ZC3H13: variants seen among roughly 807,000 people sequenced by gnomAD.
ZC3H13 encodes the protein zinc finger CCCH-type containing 13, also known as zinc finger CCCH domain-containing protein 13.
In ZC3H13, 64 loss-of-function variants were observed where a neutral mutation model predicts 204.1. The observed-to-expected ratio is 0.31, with a 90% CI of 0.26 to 0.39. ZC3H13 has a LOEUF of 0.39. ZC3H13 is among the 10% of genes least tolerant of loss of function. The pLI, the probability that ZC3H13 is intolerant of heterozygous loss-of-function variation, is 1.00. For synonymous variants in ZC3H13, 667 were observed against 693.7 expected, an observed-to-expected ratio of 0.96 and a Z score of 0.60; for missense variants, 1,833 against 2,082.7, an observed-to-expected ratio of 0.88 and a Z score of 2.33.
At chr13:45,973,442 A>C (rs1045890158) in intron 12 of ZC3H13, among the ~76,000 whole-genome samples, 3 of 152,232 alleles carry the variant, frequency 2.0e-5, no homozygotes, top group African/African-American at 7.2e-5. Flanking sequence ...ATGAAAAACC[A>C]GAAAAACTTT....
At position 46,003,390 on chromosome 13, in the gene ZC3H13, T is replaced by G; in HGVS notation, c.747-54A>C. 2.0e-6 allele frequency: 3 copies of G among 1,527,078 alleles called. No homozygotes were observed. The South Asian group carries it at 3.7e-5, about 19-fold the overall frequency. The allele number at this position is 1,527,078 out of a possible 1,614,324, so 94.6% of individuals were successfully genotyped here. On this transcript the variant is annotated intron_variant, in intron 7 of 18. Coordinates refer to ENST00000679008, the MANE Select transcript of ZC3H13 (RefSeq NM_001330564.2). ...GGTTCAAATATGCCAAAAGGATATT[T>G]TTTAAAGCCTTCTTAAAAACAGCAG...
At chr13:46,005,715 T>C (rs187154501) in intron 7 of ZC3H13, among the ~76,000 whole-genome samples, 2 of 152,280 alleles carry the variant, frequency 1.3e-5, no homozygotes, top group Non-Finnish European at 2.9e-5. Context: ...TCTCAAACTC[T>C]TGGGCTCAAG....
intron 17 of ZC3H13, chr13:45,963,559 A>G: frequency 8.7e-7 from 1 of 1,151,170 alleles, no homozygotes. Context: ...AGTAGCTGTG[A>G]CTACAGACAT....
At position 46,010,363 on chromosome 13, in the gene ZC3H13, A is replaced by C. The variant is rs144357477; in HGVS notation, c.731T>G (p.Leu244Arg). 1.7e-5 allele frequency: 28 copies of C among 1,612,104 alleles called. No homozygotes were observed. The highest frequency in any genetic ancestry group is 2.2e-5 in the Non-Finnish European group (26 of 1,178,598). The stretch of plus-strand genomic sequence containing the variant: ...CCCTACTGACCTCTGCTGGTCCAAC[A>C]GGGGAGAAGATACTGCAGATGTCTT... ...DRKTSAVSSPLLDQQRNSKTN... is the reference protein window; with the variant it reads ...DRKTSAVSSPRLDQQRNSKTN... Residue 244 changes from leucine to arginine, a missense_variant, in exon 7 of 19, where the codon CTG (leucine) becomes CGG (arginine). Transcript: ENST00000679008.
chr13:46,049,644 A>G (rs1325223021), intron 1 of ZC3H13, among the ~76,000 whole-genome samples: 2 of 152,210 alleles, frequency 1.3e-5, no homozygotes, highest in Non-Finnish European at 2.9e-5. Context: ...AATGTTACCA[A>G]CTAATGTGAC....
chr13:46,003,587 G>A (rs1057225509), intron 7 of ZC3H13, among the ~76,000 whole-genome samples: 2 of 152,164 alleles, frequency 1.3e-5, no homozygotes, highest in African/African-American at 4.8e-5. Flanking sequence ...AAAGATAGAG[G>A]TGAAATAGGA....
At position 45,975,792 on chromosome 13, in the gene ZC3H13, C is replaced by T. The variant is rs983985769; in HGVS notation, c.1959G>A (p.Glu653=). 6.2e-7 allele frequency: 1 copy of T among 1,613,640 alleles called. No homozygotes were observed. The highest frequency in any genetic ancestry group is 1.3e-5 in the African/African-American group (1 of 74,876). The change falls in exon 12 of 19, where the codon GAG becomes GAA. Residue 653 remains glutamate, a synonymous_variant. Coordinates refer to ENST00000679008, the MANE Select transcript of ZC3H13 (RefSeq NM_001330564.2). Reference sequence around the variant, plus strand: ...CCTCTCTTCTTTCATCACGCTCAAGCTCGTCATTCCTTCCCTGATGTCGAA... The same window carrying T: ...CCTCTCTTCTTTCATCACGCTCAAGTTCGTCATTCCTTCCCTGATGTCGAA... The part of the protein sequence containing the change: ...SPIRHQGRND[E]LERDERREER...
intron 5 of ZC3H13, among the ~76,000 whole-genome samples, chr13:46,020,222 A>C (rs923417643): frequency 6.6e-6 from 1 of 152,150 alleles, no homozygotes. Context: ...TTCTAGAGGG[A>C]AAACTAGGAA....
In ZC3H13 at chr13:45,975,686, G is replaced by A. The variant is rs1007716888; in HGVS notation, c.2065C>T (p.Arg689Trp). 3.7e-6 allele frequency: 6 copies of A among 1,607,252 alleles called. No individual in the cohort carries two copies. The highest frequency in any genetic ancestry group is 5.1e-6 in the Non-Finnish European group (6 of 1,177,528). ...RDRERERDRERERERERERDR... is the reference protein window; with the variant it reads ...RDRERERDREWERERERERDR... ...CGTTCACGTTCCCTCTCTCTCTCCC[G>A]CTCCCTGTCTCGTTCTCGTTCCCGA... The change falls in exon 12 of 19, where the codon CGG (arginine) becomes TGG (tryptophan). Residue 689 changes from arginine (R) to tryptophan (W), a missense_variant. By Grantham distance (101) the Arg-to-Trp change is moderately radical. Coordinates refer to ENST00000679008, the MANE Select transcript of ZC3H13 (RefSeq NM_001330564.2).
In ZC3H13 at chr13:45,972,266, T is replaced by G. The variant is rs1260671561; in HGVS notation, c.2469-1801A>C. Among the ~76,000 whole-genome samples the G allele has an allele frequency of 2.0e-5, 3 of 151,456 alleles. No homozygotes were observed. In the East Asian group the frequency reaches 5.8e-4, roughly 29 times the overall value. On this transcript the variant is annotated intron_variant, in intron 12 of 18. Coordinates refer to ENST00000679008, the MANE Select transcript of ZC3H13 (RefSeq NM_001330564.2). The stretch of plus-strand genomic sequence containing the variant: ...ACCAACCTAAGTGCCCATTGGCCAA[T>G]GGGTGGATAAAGAAAATGTGGTATA...
Position 45,967,715 on chromosome 13 carries a change from G to C in ZC3H13, c.4110C>G (p.Asp1370Glu). ...ERLISDSVERDRDRDRDRTFE... is the reference protein window; with the variant it reads ...ERLISDSVERERDRDRDRTFE... ...AAGTTCTGTCTCTGTCTCTGTCCCTGTCCCTTTCAACAGAATCAGAAATTA... is the reference window on the plus strand; with the variant it reads ...AAGTTCTGTCTCTGTCTCTGTCCCTCTCCCTTTCAACAGAATCAGAAATTA... Residue 1370 changes from aspartate (D) to glutamate (E), a missense_variant, in exon 15 of 19, where the codon GAC becomes GAG. This residue lies in a region of ZC3H13 where 1,574 missense variants were observed against 1,757.2 expected (regional missense o/e 0.90). Coordinates refer to ENST00000679008, the MANE Select transcript of ZC3H13 (RefSeq NM_001330564.2). 1 of 1,613,756 alleles carries C rather than the reference G, an allele frequency of 6.2e-7. No individual in the cohort carries two copies. The highest frequency in any genetic ancestry group is 8.5e-7 in the Non-Finnish European group (1 of 1,179,932).
intron 5 of ZC3H13, among the ~76,000 whole-genome samples, chr13:46,018,301 ATAAG>A (rs1464720523): frequency 6.6e-6 from 1 of 152,154 alleles, no homozygotes; most frequent in Admixed American, 6.6e-5. Context: ...AGACTGAATA[ATAAG>A]TATCAGGTGA....
At chr13:46,018,526 A>G (rs1183877788) in intron 5 of ZC3H13, among the ~76,000 whole-genome samples, 1 of 152,148 alleles carries the variant, frequency 6.6e-6, no homozygotes, top group Non-Finnish European at 1.5e-5. Context: ...TCAACCTTAT[A>G]CAGCAGGAAG....
chr13:46,027,043 G>A (rs1202701915), intron 4 of ZC3H13, among the ~76,000 whole-genome samples: 1 of 152,038 alleles, frequency 6.6e-6, no homozygotes, highest in East Asian at 1.9e-4. Context: ...AATCCTAAAT[G>A]ACAAAGTAAA....
In ZC3H13 at chr13:46,008,319, C is replaced by CA. The variant is rs5803322; in HGVS notation, c.746+2028dup. Among the ~76,000 whole-genome samples the CA allele has an allele frequency of 1.6e-3, 228 of 143,992 alleles. No individual in the cohort carries two copies. The South Asian group carries it at 0.016, about 10-fold the overall frequency. 94.5% of individuals were successfully genotyped at this position (143,992 alleles called of 152,430 possible). ...TGTAAACTGCATAAATGTTATACTC[C>CA]AAAAAAAAAAAAAGAAAAGAAATGC... On this transcript the variant is annotated intron_variant, in intron 7 of 18. Coordinates refer to ENST00000679008, the MANE Select transcript of ZC3H13 (RefSeq NM_001330564.2).
chr13:45,965,480 G>C lies in ZC3H13; in HGVS notation c.4322-48C>G, dbSNP rs748905990. 3 of 1,593,526 alleles carry C rather than the reference G, an allele frequency of 1.9e-6. No individual in the cohort carries two copies. The South Asian group carries it at 3.4e-5, about 18-fold the overall frequency. On this transcript the variant is annotated intron_variant, in intron 15 of 18. Coordinates refer to ENST00000679008, the MANE Select transcript of ZC3H13 (RefSeq NM_001330564.2). ...GATCAAAGACAACATTAAAGGGAGA[G>C]GATGACTAAGTCAAACCAAAAGGTA...
In ZC3H13 at chr13:45,967,693, TTCTGTC is replaced by T; in HGVS notation, c.4126_4131del (p.Asp1376_Arg1377del). 6.2e-7 allele frequency: 1 copy of T among 1,614,064 alleles called. No homozygotes were observed. The highest frequency in any genetic ancestry group is 8.5e-7 in the Non-Finnish European group (1 of 1,179,974). The stretch of plus-strand genomic sequence containing the variant: ...GACTCTATTTGAGAACTCTCAAAAG[TTCTGTC>T]TCTGTCTCTGTCCCTGTCCCTTTCA... On this transcript the variant is annotated inframe_deletion, in exon 15 of 19. Transcript: ENST00000679008.
intron 4 of ZC3H13, among the ~76,000 whole-genome samples, chr13:46,039,960 C>T (rs1178993404): frequency 6.6e-6 from 1 of 152,098 alleles, no homozygotes; most frequent in Non-Finnish European, 1.5e-5. Flanking sequence ...GGTACATTTA[C>T]TGGCAGACCG....
In ZC3H13 at chr13:45,969,076, T is replaced by C. The variant is rs762933468; in HGVS notation, c.3468A>G (p.Ser1156=). 2 of 1,614,170 alleles carry C rather than the reference T, an allele frequency of 1.2e-6. No individual in the cohort carries two copies. Among genetic ancestry groups the C allele is most frequent in the Admixed American group, 1.7e-5 (1 of 60,018 alleles). The stretch of plus-strand genomic sequence containing the variant: ...CTCGTGTTCTGTGGCATTTTCTGTG[T>C]GAGTCTTCATTGGCAAAAGTATTAT... ...TTNNTFANED[S]HRKCHRTRVE... The change falls in exon 14 of 19, where the codon TCA becomes TCG. Residue 1156 remains serine (S), a synonymous_variant. Coordinates refer to ENST00000679008, the MANE Select transcript of ZC3H13 (RefSeq NM_001330564.2).
Sources: allele counts gnomAD v4.1 joint callset (sites outside exome capture counted in the v4.1 genomes callset), GRCh38; gene constraint gnomAD v4.1.1; regional missense constraint gnomAD v4.1.1; transcripts MANE v1.5; gene names NCBI Gene and HGNC (gene_info 2026-07-23, HGNC 2026-07-21).